ISM1: variants seen among roughly 807,000 people sequenced by gnomAD.
ISM1 encodes isthmin 1.
ISM1 carries 25 observed loss-of-function variants against 46.3 expected under a neutral mutation model. The observed-to-expected ratio is 0.54, with a 90% CI of 0.39 to 0.75. ISM1 has a LOEUF of 0.75. Ranked by LOEUF, ISM1 falls within the 30% of genes least tolerant of loss-of-function variation. The pLI, the probability that ISM1 is intolerant of heterozygous loss-of-function variation, is 0.00. For synonymous variants in ISM1, 255 were observed against 256.7 expected (o/e 0.99, Z 0.06); for missense variants, 536 against 625.4 (o/e 0.86, Z 1.52).
chr20:13,232,865 A>G lies in ISM1; in HGVS notation c.138+10951A>G, dbSNP rs561944396. 3.3e-5 allele frequency among the ~76,000 whole-genome samples: 5 copies of G among 152,318 alleles called. No homozygotes were observed. The South Asian group carries it at 8.3e-4, about 25-fold the overall frequency. ...CAGTATATTATGAAATACTGAAAGA[A>G]GGAGAGAAGATACTGTCTCCTTAGA... On this transcript the variant is annotated intron_variant, in intron 1 of 5. Coordinates refer to ENST00000262487, the MANE Select transcript of ISM1 (RefSeq NM_080826.2).
At chr20:13,326,532 A>ATT in the ISM1 span, among the ~76,000 whole-genome samples, 22 of 151,796 alleles carry the variant, frequency 1.4e-4, no homozygotes, top group Middle Eastern at 3.4e-3. Context: ...CTTGGTATGA[A>ATT]TTTTTTTTAT....
chr20:13,297,376 T>C (rs1176023919), intron 5 of ISM1, among the ~76,000 whole-genome samples: 1 of 152,208 alleles, frequency 6.6e-6, no homozygotes, highest in Non-Finnish European at 1.5e-5. Flanking sequence ...ACTCGTTTGC[T>C]CCACACCCTG....
intron 1 of ISM1, among the ~76,000 whole-genome samples, chr20:13,256,054 T>G (rs1343884705): frequency 6.6e-6 from 1 of 151,808 alleles, no homozygotes; most frequent in Non-Finnish European, 1.5e-5. Flanking sequence ...GGCTGGGAGT[T>G]CGAAACCCTG....
At chr20:13,270,823 G>A in intron 2 of ISM1, 80 bp downstream of exon 2, 2 of 1,368,876 alleles carry the variant, frequency 1.5e-6, no homozygotes, top group Non-Finnish European at 2.0e-6. Context: ...GGAAACTGCT[G>A]CCTTACCTCA....
chr20:13,321,275 A>AAAAAT, the ISM1 span, among the ~76,000 whole-genome samples: 2 of 150,522 alleles, frequency 1.3e-5, no homozygotes, highest in African/African-American at 4.9e-5. Flanking sequence ...AAAAAAAAAA[A>AAAAAT]AGATTTTATG....
chr20:13,299,387 C>T lies in ISM1; in HGVS notation c.1323C>T (p.Asn441=), dbSNP rs748892925. ...SRYNEARPPN[N]GQKCTESPSD... is the part of the protein sequence containing the mutation. The stretch of plus-strand genomic sequence containing the variant: ...ATAACGAGGCCCGGCCTCCCAACAA[C>T]GGACAGAAGTGCACAGAGAGCCCCT... The change falls in exon 6 of 6, where the codon AAC becomes AAT. Residue 441 remains asparagine, a synonymous_variant. Transcript: ENST00000262487. This position sits in a 1 kb window ranked among gnomAD's most constrained non-coding sequence, Gnocchi z 5.8. The T allele has an allele frequency of 5.6e-6, 9 of 1,613,398 alleles. No homozygotes were observed. The highest frequency in any genetic ancestry group is 5.5e-5 in the South Asian group (5 of 91,082).
chr20:13,261,019 G>A (rs1259261678), intron 1 of ISM1, among the ~76,000 whole-genome samples: 24 of 152,238 alleles, frequency 1.6e-4, no homozygotes, highest in Admixed American at 1.2e-3. Flanking sequence ...CTTCTTCACC[G>A]AGTGTTCTCA....
chr20:13,227,749 C>T (rs953873895), intron 1 of ISM1, among the ~76,000 whole-genome samples: 4 of 151,880 alleles, frequency 2.6e-5, no homozygotes, highest in Non-Finnish European at 5.9e-5. Flanking sequence ...ACCTCATGAT[C>T]CTCTCGCCTC....
the ISM1 span, among the ~76,000 whole-genome samples, chr20:13,323,241 T>C: frequency 2.6e-5 from 4 of 152,068 alleles, no homozygotes; most frequent in East Asian, 3.9e-4. Flanking sequence ...GAGAAACACA[T>C]TGAAGAAATG....
chr20:13,290,920 A>G (rs1046357749), intron 4 of ISM1, among the ~76,000 whole-genome samples: 8 of 152,216 alleles, frequency 5.3e-5, no homozygotes, highest in Admixed American at 1.3e-4. Context: ...CTGGAATTTG[A>G]ATCCGGACAG....
rs1305990709 is a variant in ISM1, at chr20:13,248,724, G to T, written c.139-21780G>T. Among the ~76,000 whole-genome samples, 3 of 152,190 alleles carry T rather than the reference G, an allele frequency of 2.0e-5. No individual in the cohort carries two copies. In the East Asian group the frequency reaches 5.8e-4, roughly 29 times the overall value. ...CAGTTTGAAACAACCTGAAGGGATG[G>T]CATATGATGACTTTTGAGGCCGTTC... On this transcript the variant is annotated intron_variant, in intron 1 of 5. Transcript: ENST00000262487.
chr20:13,257,711 T>TAAA (rs1333426124), intron 1 of ISM1, among the ~76,000 whole-genome samples: 2 of 141,622 alleles, frequency 1.4e-5, no homozygotes, highest in Non-Finnish European at 3.1e-5. Context: ...GTATTTTCCT[T>TAAA]AAAAAAAAAA....
At chr20:13,290,367 T>C (rs1174939430) in intron 4 of ISM1, among the ~76,000 whole-genome samples, 1 of 152,064 alleles carries the variant, frequency 6.6e-6, no homozygotes, top group Admixed American at 6.6e-5. Flanking sequence ...AAAATGAAGA[T>C]TGCCTGGTGC....
At chr20:13,269,586 T>C (rs2040086997) in intron 1 of ISM1, among the ~76,000 whole-genome samples, 1 of 152,204 alleles carries the variant, frequency 6.6e-6, no homozygotes, top group East Asian at 1.9e-4. Flanking sequence ...ACTTGAGTGC[T>C]TCCTTTGCTG....
chr20:13,290,772 C>T (rs2040344977), intron 4 of ISM1, among the ~76,000 whole-genome samples: 1 of 152,062 alleles, frequency 6.6e-6, no homozygotes, highest in Non-Finnish European at 1.5e-5. Context: ...GGCTAAAGTC[C>T]TTACAGGTAT....
intron 1 of ISM1, among the ~76,000 whole-genome samples, chr20:13,262,089 C>T (rs996806566): frequency 5.3e-5 from 8 of 152,172 alleles, no homozygotes; most frequent in East Asian, 1.9e-4. Flanking sequence ...TCCTGGAAAC[C>T]GAGTCCTAGA....
At chr20:13,304,042 G>A (rs573835708), downstream of ISM1, among the ~76,000 whole-genome samples, 1 of 152,312 alleles carries the variant, frequency 6.6e-6, no homozygotes, top group Admixed American at 6.5e-5. Flanking sequence ...CCACCATCAA[G>A]GTATGACTTT....
chr20:13,221,713 C>T lies in ISM1; in HGVS notation c.-64C>T, dbSNP rs1390026550. 2.4e-5 allele frequency: 32 copies of T among 1,313,594 alleles called. No homozygotes were observed. The highest frequency in any genetic ancestry group is 3.3e-5 in the East Asian group (1 of 30,690). The allele number at this position is 1,313,594 out of a possible 1,614,324, so 81.4% of individuals were successfully genotyped here. A position where few individuals can be genotyped will look rare whatever the true frequency, so the allele number is the denominator to read the frequency against. ...GCTCCCGGGCTCCTACTCCTCCTCCCCCGGCGTCACCGCCGCCGCCGCCGG... is the reference window on the plus strand; with the variant it reads ...GCTCCCGGGCTCCTACTCCTCCTCCTCCGGCGTCACCGCCGCCGCCGCCGG... On this transcript the variant is annotated 5_prime_UTR_variant, in exon 1 of 6. Transcript: ENST00000262487.
chr20:13,308,564 G>A, the ISM1 span, among the ~76,000 whole-genome samples: 2 of 152,100 alleles, frequency 1.3e-5, no homozygotes, highest in Non-Finnish European at 2.9e-5. Flanking sequence ...AGTGGAAACA[G>A]TTTAAATTGT....
Sources: gnomAD v4.1 joint callset for allele counts (sites outside exome capture counted in the v4.1 genomes callset) on GRCh38, gnomAD v4.1.1 for gene constraint, Gnocchi (gnomAD v3.1) non-coding constraint, MANE v1.5 for transcripts, NCBI Gene and HGNC (gene_info 2026-07-23, HGNC 2026-07-21) for gene names.